Variants in COG5 observed in about 807,000 individuals in gnomAD.
COG5 encodes conserved oligomeric Golgi complex subunit 5.
A neutral mutation model predicts 110.4 loss-of-function variants in COG5; 86 were observed. That is an observed-to-expected ratio of 0.78 (90% CI 0.65 to 0.93). The LOEUF (loss-of-function observed/expected upper bound fraction) is 0.93. COG5 is among the 40% of genes least tolerant of loss of function. The pLI, the probability that COG5 is intolerant of heterozygous loss-of-function variation, is 0.00. For missense variants in COG5, 1,077 were observed against 987.0 expected (o/e 1.09, Z -1.22); for synonymous variants, 360 against 334.6 (o/e 1.08, Z -0.83).
intron 7 of COG5, among the ~76,000 whole-genome samples, chr7:107,398,885 G>A (rs769955425): frequency 7.9e-5 from 12 of 152,118 alleles, no homozygotes; most frequent in Non-Finnish European, 1.8e-4. Flanking sequence ...CTGGTTATGA[G>A]ATGGTTGCAC....
rs116290116 is a variant in COG5 at position 107,285,587 on chromosome 7, A to G, written c.1314-1855T>C. Reference sequence around the variant, plus strand: ...TCTAAGATCTTCAAGCTTAAAGGAAACTGTCTACATGCCCCACCTTCTATC... The same window carrying G: ...TCTAAGATCTTCAAGCTTAAAGGAAGCTGTCTACATGCCCCACCTTCTATC... On this transcript the variant is annotated intron_variant, in intron 12 of 21. Coordinates refer to ENST00000297135, the MANE Select transcript of COG5 (RefSeq NM_006348.5). 5.4e-3 allele frequency among the ~76,000 whole-genome samples: 827 copies of G among 152,322 alleles called. 10 individuals carry two copies. The highest frequency in any genetic ancestry group is 0.019 in the African/African-American group (805 of 41,578).
At chr7:107,424,933 A>G (rs1433396706) in intron 6 of COG5, among the ~76,000 whole-genome samples, 1 of 152,202 alleles carries the variant, frequency 6.6e-6, no homozygotes. Context: ...TTTGCAATAT[A>G]TTAATAGGTG....
chr7:107,307,501 T>C (rs1807829900), intron 11 of COG5, among the ~76,000 whole-genome samples: 2 of 152,212 alleles, frequency 1.3e-5, no homozygotes, highest in African/African-American at 4.8e-5. Flanking sequence ...CTCTTGTTTT[T>C]ATCTATATCC....
chr7:107,248,333 T>C (rs1056303044), intron 17 of COG5, 63 bp downstream of exon 17: 3 of 1,024,672 alleles, frequency 2.9e-6, no homozygotes, highest in African/African-American at 3.2e-5. Flanking sequence ...GGAGTAAGCA[T>C]AGAGGTGGGA....
intron 11 of COG5, among the ~76,000 whole-genome samples, chr7:107,316,557 T>G (rs186516742): frequency 6.7e-6 from 1 of 148,298 alleles, no homozygotes; most frequent in Non-Finnish European, 1.5e-5. Context: ...CTCTCGCCTG[T>G]AATCCCGGCA....
intron 6 of COG5, among the ~76,000 whole-genome samples, chr7:107,424,259 C>T (rs1306238224): frequency 3.3e-5 from 5 of 151,948 alleles, no homozygotes; most frequent in East Asian, 3.9e-4. Flanking sequence ...GGCAACAGAG[C>T]GAGAGTCTGT....
At chr7:107,315,150 A>T (rs1360923749) in intron 11 of COG5, among the ~76,000 whole-genome samples, 1 of 143,718 alleles carries the variant, frequency 7.0e-6, no homozygotes, top group Non-Finnish European at 1.5e-5. Context: ...CTTGCATACT[A>T]TTCTAATCTT....
In COG5 at chr7:107,543,546, C is replaced by T. The variant is rs571564420; in HGVS notation, c.417+4565G>A. ...GGCTTCAGGCTAATCCCAACTCAGG[C>T]TCCAGGCCCAACCCAGCACCAGGCA... On this transcript the variant is annotated intron_variant, in intron 5 of 21. Transcript: ENST00000297135. 9.2e-5 allele frequency among the ~76,000 whole-genome samples: 14 copies of T among 152,344 alleles called. No individual in the cohort carries two copies. In the South Asian group the frequency reaches 2.7e-3, roughly 29 times the overall value.
intron 11 of COG5, among the ~76,000 whole-genome samples, chr7:107,303,970 C>T (rs1019747794): frequency 3.9e-5 from 6 of 152,014 alleles, no homozygotes; most frequent in African/African-American, 7.2e-5. Flanking sequence ...CTAGTGATTA[C>T]AACACAGGCA....
At chr7:107,268,744 CTAA>C (rs1201768088) in intron 14 of COG5, among the ~76,000 whole-genome samples, 5 of 152,314 alleles carry the variant, frequency 3.3e-5, no homozygotes, top group East Asian at 1.9e-4. Flanking sequence ...TTCACAATCC[CTAA>C]TAATGTTTTT....
intron 6 of COG5, among the ~76,000 whole-genome samples, chr7:107,455,794 GTTGT>G (rs894093822): frequency 2.0e-5 from 3 of 151,170 alleles, no homozygotes; most frequent in African/African-American, 4.8e-5. Flanking sequence ...GAGCAGATCT[GTTGT>G]TTGTTTGTTT....
chr7:107,310,289 A>G (rs1270580530), intron 11 of COG5, among the ~76,000 whole-genome samples: 3 of 152,240 alleles, frequency 2.0e-5, no homozygotes, highest in Non-Finnish European at 4.4e-5. Context: ...TACTTCATAA[A>G]GCCACAACCA....
chr7:107,238,085 C>T (rs533362399), intron 17 of COG5, among the ~76,000 whole-genome samples: 1 of 152,212 alleles, frequency 6.6e-6, no homozygotes, highest in African/African-American at 2.4e-5. Flanking sequence ...TCATACTCAT[C>T]ACCTTAAATA....
At chr7:107,325,014 G>A (rs1809644563) in intron 10 of COG5, among the ~76,000 whole-genome samples, 1 of 152,068 alleles carries the variant, frequency 6.6e-6, no homozygotes, top group African/African-American at 2.4e-5. Flanking sequence ...ATGCTTGTTA[G>A]GATAACTAAC....
In COG5 at chr7:107,324,311, C is replaced by T. The variant is rs1809567035; in HGVS notation, c.1108+129G>A. ...CAGATTAAACATCTAGACAAAATAA[C>T]AATTAGCCAGGAATTTTAAAATAGC... On this transcript the variant is annotated intron_variant, in intron 11 of 21. Transcript: ENST00000297135. The T allele has an allele frequency of 1.4e-5, 9 of 626,432 alleles. 1 individual carries two copies. The South Asian group carries it at 1.6e-4, about 11-fold the overall frequency. The allele number at this position is 626,432 out of a possible 1,614,324, so 38.8% of individuals were successfully genotyped here. A position where few individuals can be genotyped will look rare whatever the true frequency, so the allele number is the denominator to read the frequency against.
At chr7:107,337,684 G>C (rs770397797) in intron 10 of COG5, among the ~76,000 whole-genome samples, 18 of 152,070 alleles carry the variant, frequency 1.2e-4, no homozygotes, top group Non-Finnish European at 2.1e-4. Context: ...GTGGGGGTTG[G>C]TAAATGGCTA....
chr7:107,554,893 C>T (rs1365381625), intron 2 of COG5, among the ~76,000 whole-genome samples: 1 of 152,164 alleles, frequency 6.6e-6, no homozygotes, highest in Non-Finnish European at 1.5e-5. Flanking sequence ...TAGGGGAACA[C>T]AAACACTCAG....
intron 7 of COG5, among the ~76,000 whole-genome samples, chr7:107,411,579 T>C (rs1471567767): frequency 6.6e-6 from 1 of 152,172 alleles, no homozygotes; most frequent in Non-Finnish European, 1.5e-5. Context: ...ATGTTCACAC[T>C]GTGGTATTCA....
At chr7:107,381,531 G>C (rs1014388952) in intron 7 of COG5, among the ~76,000 whole-genome samples, 3 of 152,140 alleles carry the variant, frequency 2.0e-5, no homozygotes, top group African/African-American at 7.2e-5. Context: ...TGTTTGAACT[G>C]TACCCTGGAC....
Sources: allele counts gnomAD v4.1 joint callset (sites outside exome capture counted in the v4.1 genomes callset), GRCh38; gene constraint gnomAD v4.1.1; transcripts MANE v1.5; gene names NCBI Gene and HGNC (gene_info 2026-07-23, HGNC 2026-07-21).